Variants in ANKRD6 observed in about 807,000 individuals in gnomAD.
ANKRD6 encodes ankyrin repeat domain 6.
In ANKRD6, 56 loss-of-function variants were observed where a neutral mutation model predicts 82.3. That is an observed-to-expected ratio of 0.68 (90% confidence interval 0.55 to 0.85). The LOEUF is 0.85. ANKRD6 is among the 40% of genes least tolerant of loss of function. ANKRD6 has a pLI of 0.00. For synonymous variants in ANKRD6, 347 were observed against 352.1 expected (o/e 0.99, Z 0.16); for missense variants, 852 against 907.6 (o/e 0.94, Z 0.79).
In ANKRD6 at chr6:89,630,830, T is replaced by C; in HGVS notation, c.2010T>C (p.Tyr670=). The part of the protein sequence containing the change: ...DTSQALELTQ[Y]FFEAVSTQME... ...CCCAAGCTCTGGAGCTTACCCAGTA[T>C]TTTTTTGAGGCTGTTTCTACCCAGA... The change falls in exon 16 of 16, where the codon TAT becomes TAC. Residue 670 remains tyrosine, a synonymous_variant. Coordinates refer to ENST00000339746, the MANE Select transcript of ANKRD6 (RefSeq NM_001242809.2). 3 of 1,613,846 alleles carry C rather than the reference T, an allele frequency of 1.9e-6. No individual in the cohort carries two copies. Among genetic ancestry groups the C allele is most frequent in the Non-Finnish European group, 2.5e-6 (3 of 1,179,874 alleles).
intron 1 of ANKRD6, among the ~76,000 whole-genome samples, chr6:89,452,461 A>G (rs9342199): frequency 0.15 from 23,093 of 152,126 alleles, 2,250 homozygotes; most frequent in East Asian, 0.4. Flanking sequence ...ATTGTAACCT[A>G]CTCAGATGTC....
At chr6:89,577,651 T>G (rs1791432500) in intron 2 of ANKRD6, among the ~76,000 whole-genome samples, 1 of 152,064 alleles carries the variant, frequency 6.6e-6, no homozygotes, top group African/African-American at 2.4e-5. Context: ...GACCCTGTCT[T>G]TACAGAAAAT....
intron 1 of ANKRD6, among the ~76,000 whole-genome samples, chr6:89,477,187 A>T (rs1582814885): frequency 6.6e-6 from 1 of 151,886 alleles, no homozygotes; most frequent in South Asian, 2.1e-4. Context: ...CTCGTGATCC[A>T]CCCACCTCGG....
chr6:89,584,500 C>G (rs539324257), intron 2 of ANKRD6, among the ~76,000 whole-genome samples: 1 of 152,306 alleles, frequency 6.6e-6, no homozygotes, highest in South Asian at 2.1e-4. Flanking sequence ...TCTTTCTCAG[C>G]AGGCCAGTCA....
chr6:89,516,624 G>A (rs959300489), intron 1 of ANKRD6, among the ~76,000 whole-genome samples: 9 of 152,158 alleles, frequency 5.9e-5, no homozygotes, highest in South Asian at 2.1e-4. Context: ...TTACAGGCAC[G>A]TGCCACCACT....
At chr6:89,599,374 A>G (rs185783903) in intron 3 of ANKRD6, among the ~76,000 whole-genome samples, 2 of 152,212 alleles carry the variant, frequency 1.3e-5, no homozygotes, top group Admixed American at 1.3e-4. Flanking sequence ...CCCTGTCTCA[A>G]AATGAGTGGA....
At chr6:89,512,589 G>A (rs1780684318) in intron 1 of ANKRD6, among the ~76,000 whole-genome samples, 1 of 152,186 alleles carries the variant, frequency 6.6e-6, no homozygotes, top group South Asian at 2.1e-4. Context: ...ACAAGGAGCA[G>A]CATCTGTGTT....
chr6:89,524,505 T>C (rs1782231364), intron 1 of ANKRD6, among the ~76,000 whole-genome samples: 1 of 152,174 alleles, frequency 6.6e-6, no homozygotes, highest in Non-Finnish European at 1.5e-5. Context: ...GGGAACAAAA[T>C]AACGACATTC....
chr6:89,469,862 C>T (rs1775248575), intron 1 of ANKRD6, among the ~76,000 whole-genome samples: 1 of 152,190 alleles, frequency 6.6e-6, no homozygotes, highest in African/African-American at 2.4e-5. Context: ...TGGTTCTTTT[C>T]CTCGTCAATA....
chr6:89,522,905 G>C (rs531795283), intron 1 of ANKRD6, among the ~76,000 whole-genome samples: 1 of 152,072 alleles, frequency 6.6e-6, no homozygotes, highest in Non-Finnish European at 1.5e-5. Context: ...CTAGTGTCCC[G>C]AAGCCCTACC....
Position 89,553,935 on chromosome 6 carries a change from C to T in ANKRD6, c.-143-12899C>T, listed in dbSNP as rs559877530. On this transcript the variant is annotated intron_variant, in intron 1 of 15. Coordinates refer to ENST00000339746, the MANE Select transcript of ANKRD6 (RefSeq NM_001242809.2). ...AACCTGACCATCCTTCAAACAGCAGCAAGGGACCCTTAGGTTACAAAGTAT... is the reference window on the plus strand; with the variant it reads ...AACCTGACCATCCTTCAAACAGCAGTAAGGGACCCTTAGGTTACAAAGTAT... Among the ~76,000 whole-genome samples, 3 of 152,292 alleles carry T rather than the reference C, an allele frequency of 2.0e-5. No homozygotes were observed. The South Asian group carries it at 6.2e-4, about 32-fold the overall frequency.
intron 1 of ANKRD6, among the ~76,000 whole-genome samples, chr6:89,455,516 T>C (rs550060640): frequency 6.6e-6 from 1 of 152,280 alleles, no homozygotes; most frequent in South Asian, 2.1e-4. Context: ...CCATATCTCA[T>C]GTGGAATTGT....
At chr6:89,514,254 C>T (rs1267796461) in intron 1 of ANKRD6, among the ~76,000 whole-genome samples, 1 of 151,990 alleles carries the variant, frequency 6.6e-6, no homozygotes, top group Admixed American at 6.6e-5. Flanking sequence ...GGCATGTACC[C>T]GTAATCCGAG....
intron 1 of ANKRD6, among the ~76,000 whole-genome samples, chr6:89,454,171 T>G (rs1773231444): frequency 6.6e-6 from 1 of 152,154 alleles, no homozygotes; most frequent in Admixed American, 6.5e-5. Flanking sequence ...ACCACTTTTC[T>G]CATGTAAGTC....
intron 1 of ANKRD6, chr6:89,561,419 T>G (rs1238443326): frequency 6.6e-6 from 1 of 152,238 alleles, no homozygotes; most frequent in Admixed American, 6.5e-5. Context: ...ATAGTCCTGG[T>G]GGGCACCAGG....
intron 1 of ANKRD6, among the ~76,000 whole-genome samples, chr6:89,516,679 G>A (rs1781269200): frequency 6.6e-6 from 1 of 152,140 alleles, no homozygotes; most frequent in South Asian, 2.1e-4. Flanking sequence ...GTTTTGCCGT[G>A]TTGGCCAGGC....
chr6:89,475,255 C>A (rs1775909774), intron 1 of ANKRD6, among the ~76,000 whole-genome samples: 1 of 152,192 alleles, frequency 6.6e-6, no homozygotes, highest in Admixed American at 6.5e-5. Context: ...AACCTAAAAT[C>A]TGGACCTTTC....
At chr6:89,434,075 C>A (rs967094168) in intron 1 of ANKRD6, among the ~76,000 whole-genome samples, 2 of 152,196 alleles carry the variant, frequency 1.3e-5, no homozygotes, top group South Asian at 4.1e-4. Flanking sequence ...GAATGTTTCC[C>A]CCGCGAGGTA....
intron 6 of ANKRD6, among the ~76,000 whole-genome samples, chr6:89,612,818 C>G (rs768027981): frequency 3.3e-5 from 5 of 152,224 alleles, no homozygotes; most frequent in Non-Finnish European, 7.3e-5. Context: ...CTGAGGCGTC[C>G]TTGGGATGAG....
Sources: allele counts gnomAD v4.1 joint callset (sites outside exome capture counted in the v4.1 genomes callset), GRCh38; gene constraint gnomAD v4.1.1; transcripts MANE v1.5; gene names NCBI Gene and HGNC (gene_info 2026-07-23, HGNC 2026-07-21).